RNF114: variants seen among roughly 807,000 people sequenced by gnomAD.
RNF114 encodes ring finger protein 114, also known as E3 ubiquitin-protein ligase RNF114.
In RNF114, 6 loss-of-function variants were observed where a neutral mutation model predicts 28.4. The observed-to-expected ratio is 0.21, with a 90% CI of 0.12 to 0.42. RNF114 has a LOEUF of 0.42. Ranked by LOEUF, RNF114 falls within the 10% of genes least tolerant of loss-of-function variation. The probability of loss-of-function intolerance (pLI) is 1.00; values close to 1 mark genes in which losing one functional copy is unlikely to be tolerated. For missense variants in RNF114, 249 were observed against 311.7 expected (o/e 0.80, Z 1.51); for synonymous variants, 115 against 116.7 (o/e 0.99, Z 0.09).
chr20:49,946,275 T>TA (rs397830228), intron 4 of RNF114, 25 bp downstream of exon 4: 10 of 1,150,224 alleles, frequency 8.7e-6, no homozygotes, highest in South Asian at 8.2e-5. Context: ...TTTTTTTTTT[T>TA]AAACTTCATT....
chr20:49,947,822 C>T (rs1282543371), intron 4 of RNF114, among the ~76,000 whole-genome samples: 4 of 98,722 alleles, frequency 4.1e-5, no homozygotes, highest in South Asian at 7.2e-4. Flanking sequence ...GGCGGAGTTT[C>T]GCTCTGTCGC....
At chr20:49,945,019 GT>G (rs1454888910) in intron 2 of RNF114, 1 of 166,962 alleles carries the variant, frequency 6.0e-6, no homozygotes, top group African/African-American at 2.4e-5. Context: ...ATAACAGAAT[GT>G]GGTTTTTGGC....
chr20:49,947,181 C>G (rs2090335479), intron 4 of RNF114, among the ~76,000 whole-genome samples: 1 of 143,266 alleles, frequency 7.0e-6, no homozygotes, highest in South Asian at 2.3e-4. Context: ...GATCCTGCCA[C>G]TGCACTCTAG....
intron 5 of RNF114, among the ~76,000 whole-genome samples, chr20:49,951,143 C>T (rs937368991): frequency 1.1e-4 from 17 of 151,962 alleles, no homozygotes; most frequent in African/African-American, 3.4e-4. Flanking sequence ...GAGTGGTATT[C>T]GGTCTTGATG....
chr20:49,947,616 A>C (rs2090338068), intron 4 of RNF114, among the ~76,000 whole-genome samples: 1 of 151,740 alleles, frequency 6.6e-6, no homozygotes, highest in African/African-American at 2.4e-5. Context: ...ATTTTGTTGG[A>C]TACTGTTATT....
intron 5 of RNF114, among the ~76,000 whole-genome samples, chr20:49,950,694 A>C (rs143096751): frequency 0.037 from 5,584 of 151,228 alleles, 146 homozygotes; most frequent in East Asian, 0.092. Context: ...AAAAAAAAAA[A>C]AAAAAACAAA....
Position 49,941,574 on chromosome 20 carries a change from T to C in RNF114, c.154T>C (p.Cys52Arg), listed in dbSNP as rs1305658652. ...VPCGHVFCSA[C>R]LQECLKPKKP... ...GTCTTGTTCTAGCTTTTGCTCTGCA[T>C]GCCTGCAGGAATGTCTGAAGCCGAA... The change falls in exon 2 of 6, where the codon TGC (cysteine) becomes CGC (arginine). Residue 52 changes from cysteine (C) to arginine (R), a missense_variant. Coordinates refer to ENST00000244061, the MANE Select transcript of RNF114 (RefSeq NM_018683.4). 1 of 1,601,030 alleles carries C rather than the reference T, an allele frequency of 6.2e-7. No homozygotes were observed. The highest frequency in any genetic ancestry group is 1.1e-5 in the South Asian group (1 of 90,204).
intron 2 of RNF114, among the ~76,000 whole-genome samples, chr20:49,943,336 A>G (rs2146855830): frequency 6.6e-6 from 1 of 152,294 alleles, no homozygotes. Context: ...ATATACCAAA[A>G]CAAACCAACA....
In RNF114 at chr20:49,952,489, C is replaced by T. The variant is rs541971551; in HGVS notation, c.*348C>T. 1.2e-4 allele frequency: 56 copies of T among 469,650 alleles called. No homozygotes were observed. Among genetic ancestry groups the T allele is most frequent in the Admixed American group, 3.2e-4 (9 of 28,178 alleles). 29.1% of individuals were successfully genotyped at this position (469,650 alleles called of 1,614,324 possible). The stretch of plus-strand genomic sequence containing the variant: ...TTCCTCCCATCCAGTGTTTGTCTCT[C>T]GGGTCCTTCAAGCCAGCCAGGACCT... On this transcript the variant is annotated 3_prime_UTR_variant, in exon 6 of 6. Coordinates refer to ENST00000244061, the MANE Select transcript of RNF114 (RefSeq NM_018683.4).
chr20:49,941,520 C>T, intron 1 of RNF114, 41 bp from the exon 2 acceptor site: 8 of 1,532,592 alleles, frequency 5.2e-6, no homozygotes, highest in Non-Finnish European at 7.0e-6. Flanking sequence ...CGTCTTGTCT[C>T]CATGATGCGT....
chr20:49,949,987 C>T (rs1007084195), intron 5 of RNF114, among the ~76,000 whole-genome samples: 1 of 147,090 alleles, frequency 6.8e-6, no homozygotes, highest in Non-Finnish European at 1.5e-5. Context: ...CGCAGTGGCT[C>T]ACACCTGTAA....
intron 4 of RNF114, among the ~76,000 whole-genome samples, 172 bp from the exon 5 acceptor site, chr20:49,949,076 C>T (rs1424500955): frequency 1.3e-5 from 2 of 152,124 alleles, no homozygotes; most frequent in African/African-American, 4.8e-5. Flanking sequence ...TTGACTTGAG[C>T]TGGAAATTTG....
intron 5 of RNF114, among the ~76,000 whole-genome samples, chr20:49,951,650 C>T (rs1478117787): frequency 6.6e-6 from 1 of 152,160 alleles, no homozygotes; most frequent in Non-Finnish European, 1.5e-5. Context: ...GAGGCCAAGG[C>T]GGGTGGATCA....
intron 2 of RNF114, chr20:49,943,871 G>GATATATATAT (rs1325124037): frequency 2.0e-4 from 13 of 65,560 alleles, no homozygotes; most frequent in Non-Finnish European, 2.6e-4. Flanking sequence ...CATACACACA[G>GATATATATAT]AGATATATAT....
chr20:49,951,215 C>G (rs1209313140), intron 5 of RNF114, among the ~76,000 whole-genome samples: 1 of 151,854 alleles, frequency 6.6e-6, no homozygotes, highest in African/African-American at 2.4e-5. Flanking sequence ...AATATTTTTT[C>G]TCAGTCTGAC....
intron 1 of RNF114, 39 bp downstream of exon 1, chr20:49,936,591 C>CT: frequency 1.3e-6 from 2 of 1,568,218 alleles, no homozygotes; most frequent in South Asian, 2.3e-5. Flanking sequence ...GGGCGCTTAA[C>CT]TGGGAAGGGA....
intron 4 of RNF114, among the ~76,000 whole-genome samples, chr20:49,948,263 C>T (rs908195852): frequency 1.3e-5 from 2 of 152,084 alleles, no homozygotes; most frequent in Non-Finnish European, 2.9e-5. Flanking sequence ...ATCACTGTAT[C>T]TTCCTTGCTG....
At chr20:49,942,467 G>T (rs980844861) in intron 2 of RNF114, among the ~76,000 whole-genome samples, 3 of 152,090 alleles carry the variant, frequency 2.0e-5, no homozygotes, top group Admixed American at 2.0e-4. Context: ...TAAAATTGCA[G>T]ACCATACAAA....
At chr20:49,936,585 G>A (rs1327899830) in intron 1 of RNF114, 33 bp downstream of exon 1, 4 of 1,571,384 alleles carry the variant, frequency 2.5e-6, no homozygotes, top group Admixed American at 3.7e-5. Context: ...GTCGGGGGGC[G>A]CTTAACTGGG....
Sources: gnomAD v4.1 joint callset for allele counts (sites outside exome capture counted in the v4.1 genomes callset) on GRCh38, gnomAD v4.1.1 for gene constraint, MANE v1.5 for transcripts, NCBI Gene and HGNC (gene_info 2026-07-23, HGNC 2026-07-21) for gene names.